Variants in NOX3 observed in about 807,000 individuals in gnomAD.
The protein encoded by NOX3 is NADPH oxidase 3.
NOX3 carries 74 observed loss-of-function variants against 76.7 expected under a neutral mutation model. The observed-to-expected ratio is 0.96, with a 90% CI of 0.80 to 1.17. The LOEUF is 1.17. Among genes scored for constraint, NOX3 ranks in the 50% most tolerant of loss-of-function variants. The pLI is 0.00. For synonymous variants in NOX3, 263 were observed against 261.1 expected, an observed-to-expected ratio of 1.01 and a Z score of -0.07; for missense variants, 695 against 703.3, an observed-to-expected ratio of 0.99 and a Z score of 0.13.
At chr6:155,441,327 G>T (rs1776983133) in intron 5 of NOX3, among the ~76,000 whole-genome samples, 1 of 152,124 alleles carries the variant, frequency 6.6e-6, no homozygotes, top group South Asian at 2.1e-4. Flanking sequence ...AGAGCAAAGA[G>T]TGGAAATAAA....
intron 4 of NOX3, among the ~76,000 whole-genome samples, chr6:155,450,501 T>C (rs1298340438): frequency 6.6e-6 from 1 of 152,158 alleles, no homozygotes; most frequent in Non-Finnish European, 1.5e-5. Flanking sequence ...GGACCTCCTG[T>C]GCGCCAGGGA....
intron 10 of NOX3, among the ~76,000 whole-genome samples, chr6:155,417,048 G>A (rs1016137296): frequency 4.6e-5 from 7 of 151,900 alleles, no homozygotes; most frequent in South Asian, 2.1e-4. Flanking sequence ...ACCACACCTG[G>A]CCTGAAACAT....
chr6:155,434,599 A>G (rs115288036), intron 7 of NOX3, among the ~76,000 whole-genome samples: 3,158 of 152,326 alleles, frequency 0.021, 112 homozygotes, highest in African/African-American at 0.071. Flanking sequence ...GAGAGCAAGA[A>G]TGCAGTTCTT....
chr6:155,417,488 G>A (rs557376827), intron 10 of NOX3, among the ~76,000 whole-genome samples: 5 of 152,134 alleles, frequency 3.3e-5, no homozygotes, highest in African/African-American at 7.2e-5. Flanking sequence ...GGTCACTTCC[G>A]CACAGAGCAA....
Position 155,407,172 on chromosome 6 carries a change from T to C in NOX3, c.1538A>G (p.Asn513Ser). 1 of 1,614,148 alleles carries C rather than the reference T, an allele frequency of 6.2e-7. No individual in the cohort carries two copies. ...LKQKTFYGRP[N>S]WNNEFKQIAY... ...AATCTGCTTGAACTCATTGTTCCAG[T>C]TGGGCCTCCCATAGAAGGTCTTCTG... The change falls in exon 12 of 14, where the codon AAC (asparagine) becomes AGC (serine). Residue 513 changes from asparagine (N) to serine (S), a missense_variant. Physicochemically the swap from Asn to Ser is conservative, Grantham distance 46 (BLOSUM62 1). Transcript: ENST00000159060.
intron 7 of NOX3, among the ~76,000 whole-genome samples, chr6:155,432,700 T>C (rs1244516348): frequency 2.6e-5 from 4 of 152,184 alleles, no homozygotes; most frequent in Non-Finnish European, 5.9e-5. Context: ...AAGCTAGACC[T>C]ATGGGGGCAA....
chr6:155,430,726 A>G, intron 8 of NOX3, 117 bp downstream of exon 8: 1 of 643,110 alleles, frequency 1.6e-6, no homozygotes, highest in Admixed American at 2.7e-5. Flanking sequence ...AGAACAGAAG[A>G]TGAGCCTCTA....
intron 10 of NOX3, among the ~76,000 whole-genome samples, chr6:155,416,373 C>T (rs527702905): frequency 6.6e-6 from 1 of 152,316 alleles, no homozygotes; most frequent in South Asian, 2.1e-4. Context: ...TAAATGATCA[C>T]TCTTATTGTC....
At chr6:155,451,103 C>G (rs1039256853) in intron 4 of NOX3, among the ~76,000 whole-genome samples, 8 of 152,198 alleles carry the variant, frequency 5.3e-5, no homozygotes, top group African/African-American at 1.9e-4. Flanking sequence ...CTCAGCCTCC[C>G]AAGTAGTTGG....
intron 4 of NOX3, among the ~76,000 whole-genome samples, chr6:155,445,969 A>ATATATATGCTATATATATAT (rs1380551108): frequency 8.3e-5 from 8 of 96,664 alleles, no homozygotes; most frequent in African/African-American, 3.3e-4. Flanking sequence ...ATATATATAT[A>ATATATATGCTATATATATAT]ATATATATAT....
At chr6:155,450,405 T>C (rs1042940586) in intron 4 of NOX3, among the ~76,000 whole-genome samples, 2 of 152,220 alleles carry the variant, frequency 1.3e-5, no homozygotes, top group African/African-American at 4.8e-5. Context: ...CTCATGCATA[T>C]GTGTCCTGTA....
In NOX3 at chr6:155,443,388, A is replaced by T; in HGVS notation, c.371T>A (p.Leu124Gln). The T allele has an allele frequency of 6.2e-7, 1 of 1,613,992 alleles. No individual in the cohort carries two copies. Among genetic ancestry groups the T allele is most frequent in the Non-Finnish European group, 8.5e-7 (1 of 1,179,908 alleles). ...GGACTGGCTCCAGTGGTAGCGTTCC[A>T]GGTTGAAGAAATGCGCCACGATGTG... ...TIHIVAHFFN[L>Q]ERYHWSQSEE... is the part of the protein sequence containing the mutation. Residue 124 changes from leucine (L) to glutamine (Q), a missense_variant, in exon 5 of 14, where the codon CTG becomes CAG. Leu to Gln is a moderately radical substitution (Grantham distance 113, BLOSUM62 -2). Transcript: ENST00000159060.
chr6:155,444,361 G>A (rs534947245), intron 4 of NOX3, among the ~76,000 whole-genome samples: 1 of 152,326 alleles, frequency 6.6e-6, no homozygotes, highest in African/African-American at 2.4e-5. Context: ...AGCATATCCA[G>A]TAGCCCTCTT....
intron 11 of NOX3, among the ~76,000 whole-genome samples, chr6:155,409,247 G>A (rs112882645): frequency 2.0e-5 from 3 of 152,128 alleles, no homozygotes; most frequent in Admixed American, 2.0e-4. Context: ...TAAGTGACAC[G>A]CCAGGTGTGG....
chr6:155,426,583 G>A (rs1440850345), intron 9 of NOX3, among the ~76,000 whole-genome samples: 1 of 152,194 alleles, frequency 6.6e-6, no homozygotes, highest in Non-Finnish European at 1.5e-5. Flanking sequence ...CAGCAGAGAT[G>A]TGGGGAACAG....
At chr6:155,420,579 C>A (rs1024639903) in intron 10 of NOX3, among the ~76,000 whole-genome samples, 1 of 152,160 alleles carries the variant, frequency 6.6e-6, no homozygotes, top group African/African-American at 2.4e-5. Context: ...TTATTTAGCT[C>A]TCTGTGTGTC....
intron 10 of NOX3, among the ~76,000 whole-genome samples, chr6:155,421,855 C>T (rs1368912773): frequency 6.6e-6 from 1 of 152,146 alleles, no homozygotes; most frequent in African/African-American, 2.4e-5. Context: ...GTTGCAGGAG[C>T]GTTGCTTAAG....
chr6:155,452,235 G>A (rs757877717), intron 4 of NOX3, among the ~76,000 whole-genome samples: 7 of 152,070 alleles, frequency 4.6e-5, no homozygotes, highest in South Asian at 4.1e-4. Flanking sequence ...TTCAAGGTGC[G>A]GAAAAGATTT....
chr6:155,400,299 C>A (rs1395895060), intron 12 of NOX3, among the ~76,000 whole-genome samples: 1 of 152,220 alleles, frequency 6.6e-6, no homozygotes, highest in African/African-American at 2.4e-5. Context: ...CCCTTCTCTC[C>A]TTAAATTGTA....
Sources: gnomAD v4.1 joint callset for allele counts (sites outside exome capture counted in the v4.1 genomes callset) on GRCh38, gnomAD v4.1.1 for gene constraint, MANE v1.5 for transcripts, NCBI Gene and HGNC (gene_info 2026-07-23, HGNC 2026-07-21) for gene names.